Variants in MAP2 observed in about 807,000 individuals in gnomAD.
The protein encoded by MAP2 is microtubule associated protein 2.
A neutral mutation model predicts 137.6 loss-of-function variants in MAP2; 14 were observed. That is an observed-to-expected ratio of 0.10 (90% CI 0.07 to 0.16). MAP2 has a LOEUF of 0.16. Ranked by LOEUF, MAP2 falls within the 10% of genes least tolerant of loss-of-function variation. The pLI is 1.00. For synonymous variants in MAP2, 786 were observed against 782.3 expected, an observed-to-expected ratio of 1.00 and a Z score of -0.08; for missense variants, 2,088 against 2,191.5, an observed-to-expected ratio of 0.95 and a Z score of 0.94.
intron 1 of MAP2, among the ~76,000 whole-genome samples, chr2:209,486,795 C>G (rs1320411327): frequency 6.6e-6 from 1 of 152,170 alleles, no homozygotes; most frequent in Non-Finnish European, 1.5e-5. Context: ...ACTTTCTGCT[C>G]CAGTGCTACT....
At chr2:209,636,597 A>C (rs1023895386) in intron 4 of MAP2, among the ~76,000 whole-genome samples, 1 of 151,498 alleles carries the variant, frequency 6.6e-6, no homozygotes, top group Non-Finnish European at 1.5e-5. Context: ...ACACACTTAT[A>C]AGCAACAGAA....
intron 4 of MAP2, among the ~76,000 whole-genome samples, chr2:209,637,783 A>G (rs1190074539): frequency 1.3e-5 from 2 of 152,166 alleles, no homozygotes; most frequent in Admixed American, 1.3e-4. Context: ...ATACCAGTGC[A>G]TTAAAAAATT....
At chr2:209,570,852 A>T (rs913803261) in intron 2 of MAP2, among the ~76,000 whole-genome samples, 5 of 151,906 alleles carry the variant, frequency 3.3e-5, no homozygotes, top group African/African-American at 1.2e-4. Context: ...GATTTTTGTG[A>T]AAAGGATGAT....
intron 2 of MAP2, among the ~76,000 whole-genome samples, chr2:209,577,937 A>C (rs2075609150): frequency 6.6e-6 from 1 of 152,214 alleles, no homozygotes; most frequent in African/African-American, 2.4e-5. Flanking sequence ...TATTTGCAAA[A>C]GTCTTCAGAA....
At chr2:209,658,422 C>T (rs1055376960) in intron 5 of MAP2, among the ~76,000 whole-genome samples, 2 of 151,274 alleles carry the variant, frequency 1.3e-5, no homozygotes, top group African/African-American at 4.9e-5. Flanking sequence ...AGTGGTGGTT[C>T]TATGTTTCTG....
In MAP2 at chr2:209,601,829, T is replaced by C. The variant is rs114744482; in HGVS notation, c.-107+21729T>C. 8.3e-3 allele frequency among the ~76,000 whole-genome samples: 1,265 copies of C among 152,326 alleles called. 19 individuals carry two copies. Among genetic ancestry groups the C allele is most frequent in the African/African-American group, 0.029 (1,190 of 41,580 alleles). On this transcript the variant is annotated intron_variant, in intron 3 of 15. Transcript: ENST00000682079. Reference sequence around the variant, plus strand: ...ATCTCCCTTGAAGGAGTACTACTTATATTTTTTTAAATTAATCTTGATTTT... The same window carrying C: ...ATCTCCCTTGAAGGAGTACTACTTACATTTTTTTAAATTAATCTTGATTTT...
chr2:209,599,035 A>G (rs1174102982), intron 3 of MAP2, among the ~76,000 whole-genome samples: 1 of 152,088 alleles, frequency 6.6e-6, no homozygotes, highest in African/African-American at 2.4e-5. Context: ...TGACTTCCAC[A>G]ATGGTTGAAC....
chr2:209,694,526 T>A lies in MAP2; in HGVS notation c.2356T>A (p.Cys786Ser). ...GEESTQAEIS[C>S]ESPFLAKDFY... ...AGAAAGTACTCAAGCGGAGATATCA[T>A]GTGAGTCTCCTTTCCTAGCCAAAGA... Residue 786 changes from cysteine to serine, a missense_variant, in exon 8 of 16, where the codon TGT becomes AGT. Around this residue, in one of 6 missense-constraint regions of MAP2, gnomAD observed 500 missense variants for 482.9 expected, o/e 1.04. Coordinates refer to ENST00000682079, the MANE Select transcript of MAP2 (RefSeq NM_001375505.1). 6.2e-7 allele frequency: 1 copy of A among 1,614,064 alleles called. No individual in the cohort carries two copies. Among genetic ancestry groups the A allele is most frequent in the Non-Finnish European group, 8.5e-7 (1 of 1,179,988 alleles).
At chr2:209,637,403 A>C (rs2093657289) in intron 4 of MAP2, among the ~76,000 whole-genome samples, 1 of 152,112 alleles carries the variant, frequency 6.6e-6, no homozygotes, top group African/African-American at 2.4e-5. Flanking sequence ...GGTTCACATC[A>C]CTGCACTCCA....
rs142457413 is a variant in MAP2 at position 209,704,743 on chromosome 2, A to G, written c.4585-837A>G. ...TTTACTCTGAAGTGTTTGACACATA[A>G]ACAGTAGGCCCTTTTAAAAACAAAT... On this transcript the variant is annotated intron_variant, in intron 11 of 15. Coordinates refer to ENST00000682079, the MANE Select transcript of MAP2 (RefSeq NM_001375505.1). The G allele has an allele frequency of 2.0e-3, 1,673 of 816,150 alleles. 4 individuals are homozygous for G. The highest frequency in any genetic ancestry group is 0.011 in the Middle Eastern group (34 of 3,138). The allele number at this position is 816,150 out of a possible 1,614,324, so 50.6% of individuals were successfully genotyped here. A position where few individuals can be genotyped will look rare whatever the true frequency, so the allele number is the denominator to read the frequency against.
intron 3 of MAP2, among the ~76,000 whole-genome samples, chr2:209,623,300 A>G (rs2153526842): frequency 6.6e-6 from 1 of 152,272 alleles, no homozygotes; most frequent in East Asian, 1.9e-4. Context: ...AGGCAGCAGC[A>G]GGATGGTTCT....
rs890275567 is a variant in MAP2 at position 209,726,053 on chromosome 2, C to T, written c.5155+263C>T. Among the ~76,000 whole-genome samples the T allele has an allele frequency of 6.6e-5, 10 of 152,148 alleles. No homozygotes were observed. The East Asian group carries it at 9.6e-4, about 15-fold the overall frequency. Reference sequence around the variant, plus strand: ...CGCATTTATCTTTATGTACTCAACACGCTTATTGGAGCTCCTTTGAAATAC... The same window carrying T: ...CGCATTTATCTTTATGTACTCAACATGCTTATTGGAGCTCCTTTGAAATAC... On this transcript the variant is annotated intron_variant, in intron 14 of 15. Transcript: ENST00000682079.
intron 1 of MAP2, among the ~76,000 whole-genome samples, chr2:209,501,289 A>C (rs924718547): frequency 3.3e-5 from 5 of 152,166 alleles, no homozygotes; most frequent in Non-Finnish European, 7.3e-5. Flanking sequence ...GCTCACAATT[A>C]ATTTTGATAA....
intron 1 of MAP2, among the ~76,000 whole-genome samples, chr2:209,430,379 G>A (rs1693938081): frequency 6.6e-6 from 1 of 151,634 alleles, no homozygotes; most frequent in Non-Finnish European, 1.5e-5. Flanking sequence ...TGGTATTTGT[G>A]TGTTTGTGTA....
chr2:209,727,351 T>C (rs1168994311), intron 14 of MAP2, among the ~76,000 whole-genome samples: 5 of 152,220 alleles, frequency 3.3e-5, no homozygotes, highest in Non-Finnish European at 7.3e-5. Flanking sequence ...CCTATTTTCT[T>C]TCAGAATGCA....
chr2:209,669,533 T>C (rs1049692847), intron 5 of MAP2, among the ~76,000 whole-genome samples: 1 of 152,098 alleles, frequency 6.6e-6, no homozygotes, highest in African/African-American at 2.4e-5. Context: ...TCTTGGTATA[T>C]AGAGAACTTA....
At chr2:209,660,073 C>CGT (rs1264869291) in intron 5 of MAP2, among the ~76,000 whole-genome samples, 2 of 151,958 alleles carry the variant, frequency 1.3e-5, no homozygotes, top group Non-Finnish European at 2.9e-5. Context: ...AAAGTGCCTA[C>CGT]GTGACGATCA....
At chr2:209,700,240 A>G (rs375866605) in intron 10 of MAP2, 37 bp from the exon 11 acceptor site, 17 of 1,582,846 alleles carry the variant, frequency 1.1e-5, no homozygotes, top group African/African-American at 1.3e-5. Context: ...CTTTTTAGCA[A>G]CTAAGTTTGG....
intron 1 of MAP2, among the ~76,000 whole-genome samples, chr2:209,458,336 A>G (rs1242267774): frequency 6.6e-6 from 1 of 152,160 alleles, no homozygotes; most frequent in Non-Finnish European, 1.5e-5. Flanking sequence ...TTATACCACT[A>G]TTATATGAGT....
Sources: allele counts gnomAD v4.1 joint callset (sites outside exome capture counted in the v4.1 genomes callset), GRCh38; gene constraint gnomAD v4.1.1; regional missense constraint gnomAD v4.1.1; transcripts MANE v1.5; gene names NCBI Gene and HGNC (gene_info 2026-07-23, HGNC 2026-07-21).